ITPK1: variants seen among roughly 807,000 people sequenced by gnomAD.
The protein encoded by ITPK1 is inositol 1,3,4-trisphosphate 5/6-kinase.
Under a neutral mutation model 45.3 loss-of-function variants are expected in ITPK1, and 21 were observed. The ratio of observed to expected loss-of-function variants is 0.46; its 90% confidence interval spans 0.33 to 0.67. The LOEUF is 0.67. Ranked by LOEUF, ITPK1 falls within the 30% of genes least tolerant of loss-of-function variation. ITPK1 has a pLI of 0.02. For synonymous variants in ITPK1, 258 were observed against 253.6 expected (o/e 1.02, Z -0.16); for missense variants, 474 against 573.5 (o/e 0.83, Z 1.77).
At chr14:93,064,331 C>T (rs572786543) in intron 3 of ITPK1, among the ~76,000 whole-genome samples, 340 of 152,230 alleles carry the variant, frequency 2.2e-3, no homozygotes, top group African/African-American at 7.7e-3. Context: ...CACTATGTCG[C>T]CCAGGCTGGT....
At position 92,958,603 on chromosome 14, in the gene ITPK1, A is replaced by ATG. The variant is rs376371356; in HGVS notation, c.505-239_505-238dup. Among the ~76,000 whole-genome samples, 15 of 152,308 alleles carry ATG rather than the reference A, an allele frequency of 9.8e-5. No homozygotes were observed. In the East Asian group the frequency reaches 2.9e-3, roughly 29 times the overall value. ...AGATCCTCCCTTCACCGGGCCTGCC[A>ATG]TGTGAGATCGAGCTGGCTGTGCACT... On this transcript the variant is annotated intron_variant, in intron 7 of 10. Transcript: ENST00000267615. This position sits in a 1 kb window ranked among gnomAD's most constrained non-coding sequence, Gnocchi z 4.4.
intron 3 of ITPK1, among the ~76,000 whole-genome samples, chr14:93,044,573 G>A (rs532880596): frequency 6.6e-6 from 1 of 152,306 alleles, no homozygotes; most frequent in East Asian, 1.9e-4. Flanking sequence ...GGGCCCCCCA[G>A]GTAAAGGACT....
At chr14:93,062,722 T>G (rs570060053) in intron 3 of ITPK1, among the ~76,000 whole-genome samples, 1 of 152,246 alleles carries the variant, frequency 6.6e-6, no homozygotes, top group East Asian at 1.9e-4. Flanking sequence ...TTTGAAGTCG[T>G]AAAGCAGGTC....
intron 2 of ITPK1, among the ~76,000 whole-genome samples, chr14:93,104,462 C>CAAA (rs35034223): frequency 5.5e-5 from 8 of 146,004 alleles, no homozygotes; most frequent in African/African-American, 1.8e-4. Context: ...AACTCCATCT[C>CAAA]AAAAAAAAAA....
intron 5 of ITPK1, among the ~76,000 whole-genome samples, chr14:92,971,332 C>T (rs968235480): frequency 1.3e-5 from 2 of 152,212 alleles, no homozygotes; most frequent in African/African-American, 4.8e-5. Context: ...GCCTCAGTTT[C>T]CTTGCTGTAA....
intron 3 of ITPK1, among the ~76,000 whole-genome samples, chr14:93,053,168 C>A (rs1001559849): frequency 1.1e-4 from 17 of 151,812 alleles, no homozygotes; most frequent in South Asian, 4.2e-4. Flanking sequence ...TAAAAAAAAA[C>A]CAGTGGTTCT....
chr14:93,010,334 C>A (rs1887829139), intron 4 of ITPK1, among the ~76,000 whole-genome samples: 1 of 152,240 alleles, frequency 6.6e-6, no homozygotes, highest in Non-Finnish European at 1.5e-5. Flanking sequence ...GCTCAATAAA[C>A]ATCAGGGGCC....
chr14:93,097,626 T>C (rs193242262), intron 2 of ITPK1, among the ~76,000 whole-genome samples: 1 of 152,348 alleles, frequency 6.6e-6, no homozygotes, highest in African/African-American at 2.4e-5. Context: ...ATAAAAACTT[T>C]TACCTACACG....
At chr14:92,943,335 C>T (rs1310404858) in intron 10 of ITPK1, among the ~76,000 whole-genome samples, 9 of 152,212 alleles carry the variant, frequency 5.9e-5, no homozygotes, top group Non-Finnish European at 1.3e-4. Context: ...CCCTGCAGCC[C>T]GTTTCACAGG....
At chr14:92,982,161 C>CTTATAAGTT (rs1378282214) in intron 5 of ITPK1, among the ~76,000 whole-genome samples, 6 of 152,212 alleles carry the variant, frequency 3.9e-5, no homozygotes, top group Non-Finnish European at 5.9e-5. Flanking sequence ...CAAGGGAAAA[C>CTTATAAGTT]CATTGTATTA....
chr14:93,002,924 G>T (rs1392050121), intron 4 of ITPK1, among the ~76,000 whole-genome samples: 10 of 152,204 alleles, frequency 6.6e-5, no homozygotes, highest in Non-Finnish European at 1.5e-5. Context: ...CAGAGGCTCT[G>T]CATCTCTTCC....
At chr14:93,069,807 G>T (rs1169080290) in intron 3 of ITPK1, 1 of 152,186 alleles carries the variant, frequency 6.6e-6, no homozygotes, top group Admixed American at 6.5e-5. Context: ...CTCCTTCCCT[G>T]AAAGTCTGGT....
rs1323980719 is a variant in ITPK1, at chr14:93,063,418, C to T, written c.120+13177G>A. 6.6e-6 allele frequency among the ~76,000 whole-genome samples: 1 copy of T among 152,202 alleles called. No homozygotes were observed. Among genetic ancestry groups the T allele is most frequent in the Non-Finnish European group, 1.5e-5 (1 of 68,040 alleles). On this transcript the variant is annotated intron_variant, in intron 3 of 10. Transcript: ENST00000267615. The surrounding 1 kb of genome is among the most constrained non-coding windows in gnomAD (Gnocchi z 4.3). ...CGAGTCATCTCAGGAGCCAGAAAAC[C>T]AGTGAGCTTCCCACTCCCCACAGCC...
intron 5 of ITPK1, 51 bp downstream of exon 5, chr14:92,993,829 G>T (rs1886909493): frequency 8.1e-7 from 1 of 1,227,782 alleles, no homozygotes; most frequent in Non-Finnish European, 1.2e-6. Flanking sequence ...GCCACTTTGT[G>T]ACCACAAAGG....
intron 4 of ITPK1, 136 bp from the exon 5 acceptor site, chr14:92,994,133 G>A: frequency 3.2e-6 from 2 of 627,054 alleles, no homozygotes; most frequent in Non-Finnish European, 5.9e-6. Flanking sequence ...GTGCATTCCA[G>A]CACTGGGACA....
rs763623075 is a variant in ITPK1 at position 93,066,331 on chromosome 14, T to G, written c.120+10264A>C. On this transcript the variant is annotated intron_variant, in intron 3 of 10. Coordinates refer to ENST00000267615, the MANE Select transcript of ITPK1 (RefSeq NM_014216.6). ...ATGTGTGTGTGTGTATGTGTGTGTG[T>G]GTGTGTGTGTAGGGGGCAGAGGCGT... 2,208 of 441,510 alleles carry G rather than the reference T, an allele frequency of 5.0e-3. 12 individuals are homozygous for G. Among genetic ancestry groups the G allele is most frequent in the Non-Finnish European group, 6.8e-3 (1,498 of 221,324 alleles). 27.3% of individuals were successfully genotyped at this position (441,510 alleles called of 1,614,324 possible). A position where few individuals can be genotyped will look rare whatever the true frequency, so the allele number is the denominator to read the frequency against.
chr14:93,049,416 G>A (rs761733571), intron 3 of ITPK1, among the ~76,000 whole-genome samples: 60 of 152,276 alleles, frequency 3.9e-4, no homozygotes, highest in Non-Finnish European at 6.8e-4. Context: ...GGAGTAGGTC[G>A]GACCAGCAAG....
At chr14:92,985,292 AT>A (rs1038577423) in intron 5 of ITPK1, among the ~76,000 whole-genome samples, 18 of 152,222 alleles carry the variant, frequency 1.2e-4, no homozygotes, top group African/African-American at 4.3e-4. Context: ...AACTGGGGAA[AT>A]TCGAATTCAT....
At chr14:93,028,975 C>G (rs1043653471) in intron 3 of ITPK1, among the ~76,000 whole-genome samples, 1 of 152,196 alleles carries the variant, frequency 6.6e-6, no homozygotes, top group African/African-American at 2.4e-5. Context: ...TCCCTGAGGA[C>G]AGGGACTATG....
Sources: allele counts gnomAD v4.1 joint callset (sites outside exome capture counted in the v4.1 genomes callset), GRCh38; gene constraint gnomAD v4.1.1; non-coding constraint Gnocchi (gnomAD v3.1); transcripts MANE v1.5; gene names NCBI Gene and HGNC (gene_info 2026-07-23, HGNC 2026-07-21).